The following HIVEP3 variants were observed in gnomAD, a reference collection of about 807,000 sequenced individuals.
HIVEP3 encodes the protein transcription factor HIVEP3.
In HIVEP3, 49 loss-of-function variants were observed where a neutral mutation model predicts 152.8. The observed-to-expected ratio is 0.32, with a 90% confidence interval of 0.26 to 0.41. The LOEUF is 0.41. Among genes scored for constraint, HIVEP3 ranks in the 10% least tolerant of loss-of-function variants. HIVEP3 has a pLI of 1.00. For missense variants in HIVEP3, 2,790 were observed against 3,103.3 expected, an observed-to-expected ratio of 0.90 and a Z score of 2.40; for synonymous variants, 1,269 against 1,289.0, an observed-to-expected ratio of 0.98 and a Z score of 0.33.
At chr1:41,654,782 T>C (rs1261419872) in intron 2 of HIVEP3, among the ~76,000 whole-genome samples, 1 of 152,208 alleles carries the variant, frequency 6.6e-6, no homozygotes, top group Non-Finnish European at 1.5e-5. Context: ...CAGGGAGGTA[T>C]GCTGGGTACT....
At chr1:42,005,442 A>AT (rs1402957074) in intron 1 of HIVEP3, among the ~76,000 whole-genome samples, 1 of 152,208 alleles carries the variant, frequency 6.6e-6, no homozygotes, top group Non-Finnish European at 1.5e-5. Context: ...ATGTGTATAT[A>AT]TATCTACACA....
At chr1:41,831,528 C>T (rs572796928) in intron 1 of HIVEP3, among the ~76,000 whole-genome samples, 39 of 152,116 alleles carry the variant, frequency 2.6e-4, no homozygotes, top group African/African-American at 8.7e-4. Flanking sequence ...CAATGAGTAT[C>T]GGCTTTCAGA....
chr1:41,955,055 G>A (rs1645133016), intron 1 of HIVEP3, among the ~76,000 whole-genome samples: 1 of 151,662 alleles, frequency 6.6e-6, no homozygotes, highest in African/African-American at 2.4e-5. Context: ...TAATTGTTAG[G>A]AGCATTTTCA....
chr1:41,876,237 C>G lies in HIVEP3; in HGVS notation c.-801+42176G>C, dbSNP rs535735847. ...TTTAAAATTTTTGAGTCTATGATAT[C>G]CCAGATTAAGCAATGTTTTGGGAGT... On this transcript the variant is annotated intron_variant, in intron 1 of 8. Coordinates refer to ENST00000372583, the MANE Select transcript of HIVEP3 (RefSeq NM_024503.5). Among the ~76,000 whole-genome samples the G allele has an allele frequency of 4.6e-5, 7 of 151,608 alleles. 1 individual carries two copies. The highest frequency in any genetic ancestry group is 2.1e-4 in the South Asian group (1 of 4,796).
intron 3 of HIVEP3, among the ~76,000 whole-genome samples, chr1:41,618,454 TG>T (rs1305792952): frequency 6.6e-6 from 1 of 152,244 alleles, no homozygotes; most frequent in African/African-American, 2.4e-5. Context: ...GTTGAGGAGC[TG>T]GTGTGCCCAT....
intron 1 of HIVEP3, among the ~76,000 whole-genome samples, chr1:41,714,460 T>C (rs181844755): frequency 6.6e-6 from 1 of 152,218 alleles, no homozygotes; most frequent in African/African-American, 2.4e-5. Flanking sequence ...GATAAAGAAA[T>C]TAATGCTCCA....
chr1:41,997,999 C>T (rs371291415), intron 1 of HIVEP3, among the ~76,000 whole-genome samples: 1 of 152,068 alleles, frequency 6.6e-6, no homozygotes, highest in Non-Finnish European at 1.5e-5. Context: ...AATTGAACTA[C>T]CTGTTATATC....
At chr1:41,717,140 C>T (rs1371223237) in intron 1 of HIVEP3, among the ~76,000 whole-genome samples, 2 of 152,108 alleles carry the variant, frequency 1.3e-5, no homozygotes, top group African/African-American at 2.4e-5. Flanking sequence ...TTCTGGGTCT[C>T]GTGGGAGTTC....
chr1:41,677,284 C>A (rs1645971629), intron 2 of HIVEP3, among the ~76,000 whole-genome samples: 2 of 152,222 alleles, frequency 1.3e-5, no homozygotes, highest in Admixed American at 1.3e-4. Flanking sequence ...TAACACGCTT[C>A]ACACGTATAA....
At chr1:42,028,880 A>G (rs191570130) in intron 1 of HIVEP3, among the ~76,000 whole-genome samples, 1 of 152,342 alleles carries the variant, frequency 6.6e-6, no homozygotes, top group East Asian at 1.9e-4. Flanking sequence ...TCAGGAGCCT[A>G]TGCTGCATCC....
At chr1:41,625,029 G>A (rs113170927) in intron 3 of HIVEP3, among the ~76,000 whole-genome samples, 19 of 152,108 alleles carry the variant, frequency 1.2e-4, no homozygotes, top group African/African-American at 4.3e-4. Context: ...CTGGTGTGGT[G>A]GCATGCGCCT....
rs689076 is a variant in HIVEP3, at chr1:41,533,456, C to T, written c.5208-8546G>A. Among the ~76,000 whole-genome samples, 85,321 of 151,788 alleles carry T rather than the reference C, an allele frequency of 0.56. 24,581 individuals are homozygous for T. The highest frequency in any genetic ancestry group is 0.98 in the East Asian group (5,002 of 5,118). ...CCTGGGCCCAAATCCCGGGCCAGCT[C>T]TGCTGTCCCTCTTTCCTGCACAGCC... On this transcript the variant is annotated intron_variant, in intron 5 of 8. Coordinates refer to ENST00000372583, the MANE Select transcript of HIVEP3 (RefSeq NM_024503.5). The surrounding 1 kb of genome is among the most constrained non-coding windows in gnomAD (Gnocchi z 4.3).
At position 41,510,338 on chromosome 1, in the gene HIVEP3, C is replaced by A; in HGVS notation, c.*113G>T. The A allele has an allele frequency of 1.1e-6, 1 of 927,498 alleles. No individual in the cohort carries two copies. Among genetic ancestry groups the A allele is most frequent in the Non-Finnish European group, 1.5e-6 (1 of 666,320 alleles). 57.5% of individuals were successfully genotyped at this position (927,498 alleles called of 1,614,324 possible). ...GGTACAACAGATGGGGCCGTGAGAG[C>A]TCCTGGACGGAGGGACAGATGGGGC... On this transcript the variant is annotated 3_prime_UTR_variant, in exon 9 of 9. Coordinates refer to ENST00000372583, the MANE Select transcript of HIVEP3 (RefSeq NM_024503.5).
At chr1:42,034,095 A>T (rs146209933) in intron 1 of HIVEP3, among the ~76,000 whole-genome samples, 1 of 152,330 alleles carries the variant, frequency 6.6e-6, no homozygotes, top group East Asian at 1.9e-4. Context: ...ATCAAAACCA[A>T]ATCTTGTTAG....
rs1644122477 is a variant in HIVEP3 at position 41,873,812 on chromosome 1, G to A, written c.-801+44601C>T. ...GAAGCTTTAAAGTGAATTCAAGAGT[G>A]GGATTCAAGAGACCAAACCATGGGG... is the stretch of plus-strand genomic sequence containing the variant. On this transcript the variant is annotated intron_variant, in intron 1 of 8. Transcript: ENST00000372583. The surrounding 1 kb of genome is among the most constrained non-coding windows in gnomAD (Gnocchi z 4.2). Among the ~76,000 whole-genome samples the A allele has an allele frequency of 6.6e-6, 1 of 152,170 alleles. No individual in the cohort carries two copies. Among genetic ancestry groups the A allele is most frequent in the Non-Finnish European group, 1.5e-5 (1 of 68,020 alleles).
At chr1:41,978,068 T>C (rs1182862758) in intron 1 of HIVEP3, among the ~76,000 whole-genome samples, 6 of 152,238 alleles carry the variant, frequency 3.9e-5, no homozygotes, top group Non-Finnish European at 5.9e-5. Flanking sequence ...TACTTTTTTT[T>C]CCCATTAAGA....
intron 2 of HIVEP3, among the ~76,000 whole-genome samples, chr1:41,652,727 C>T (rs1053289007): frequency 7.9e-5 from 12 of 152,178 alleles, no homozygotes; most frequent in Non-Finnish European, 1.0e-4. Context: ...GCCTGCCCTG[C>T]GGGGTAACAA....
Position 41,584,823 on chromosome 1 carries a change from A to G in HIVEP3, c.-26T>C, listed in dbSNP as rs985478181. 6.8e-7 allele frequency: 1 copy of G among 1,478,514 alleles called. No homozygotes were observed. Among genetic ancestry groups the G allele is most frequent in the African/African-American group, 1.4e-5 (1 of 70,936 alleles). 91.6% of individuals were successfully genotyped at this position (1,478,514 alleles called of 1,614,324 possible). On this transcript the variant is annotated 5_prime_UTR_variant, in exon 4 of 9. It removes the in-frame stop codon of an upstream open reading frame in the 5' UTR. Coordinates refer to ENST00000372583, the MANE Select transcript of HIVEP3 (RefSeq NM_024503.5). The surrounding 1 kb of genome is among the most constrained non-coding windows in gnomAD (Gnocchi z 5.2). ...GACCTTCACAAAGACTTCAGATGCT[A>G]TTCAGGGAGAGTCAGGGCGGGCTGC...
At chr1:41,634,995 C>T (rs2149152965) in intron 2 of HIVEP3, among the ~76,000 whole-genome samples, 1 of 152,282 alleles carries the variant, frequency 6.6e-6, no homozygotes, top group East Asian at 1.9e-4. Context: ...ACTTCATATA[C>T]ATTCAAGAAA....
Sources: gnomAD v4.1 joint callset for allele counts (sites outside exome capture counted in the v4.1 genomes callset) on GRCh38, gnomAD v4.1.1 for gene constraint, Gnocchi (gnomAD v3.1) non-coding constraint, MANE v1.5 for transcripts, NCBI Gene and HGNC (gene_info 2026-07-23, HGNC 2026-07-21) for gene names.